SH3D19: variants seen among roughly 807,000 people sequenced by gnomAD.
SH3D19 encodes the protein SH3 domain-containing protein 19.
A neutral mutation model predicts 112.1 loss-of-function variants in SH3D19; 58 were observed. That is an observed-to-expected ratio of 0.52 (90% confidence interval 0.42 to 0.64). The LOEUF is 0.64. SH3D19 is among the 30% of genes least tolerant of loss of function. SH3D19 has a pLI of 0.00. For missense variants in SH3D19, 1,090 were observed against 1,263.4 expected (o/e 0.86, Z 2.08); for synonymous variants, 391 against 448.5 (o/e 0.87, Z 1.62).
chr4:151,139,076 C>T (rs372355631), intron 13 of SH3D19, among the ~76,000 whole-genome samples: 24 of 152,050 alleles, frequency 1.6e-4, no homozygotes, highest in African/African-American at 5.6e-4. Flanking sequence ...CCATCCGCCT[C>T]GGCCTCACAA....
At chr4:151,210,953 C>CT (rs1316377566) in intron 2 of SH3D19, among the ~76,000 whole-genome samples, 1 of 152,088 alleles carries the variant, frequency 6.6e-6, no homozygotes, top group Non-Finnish European at 1.5e-5. Context: ...TTACTGCAGC[C>CT]TTGCAACCTC....
intron 1 of SH3D19, among the ~76,000 whole-genome samples, chr4:151,324,904 A>G (rs536873289): frequency 6.6e-6 from 1 of 152,144 alleles, no homozygotes; most frequent in South Asian, 2.1e-4. Flanking sequence ...GTCGTTGTCC[A>G]CCGAGACGGC....
In SH3D19 at chr4:151,282,917, C is replaced by T. The variant is rs1774391531; in HGVS notation, c.112+42324G>A. Among the ~76,000 whole-genome samples, 3 of 152,050 alleles carry T rather than the reference C, an allele frequency of 2.0e-5. No individual in the cohort carries two copies. The South Asian group carries it at 6.3e-4, about 32-fold the overall frequency. ...CAATGGCTCAATTAAAAAAAAACCT[C>T]AAAGAAGCAGAAATAATTTAGAATT... On this transcript the variant is annotated intron_variant, in intron 1 of 19. Transcript: ENST00000604030.
At chr4:151,145,691 G>C (rs1470438962) in intron 11 of SH3D19, among the ~76,000 whole-genome samples, 1 of 152,174 alleles carries the variant, frequency 6.6e-6, no homozygotes, top group Non-Finnish European at 1.5e-5. Context: ...GTGAAATCTG[G>C]TTCCCCTTGA....
chr4:151,190,957 C>A (rs1396108451), intron 2 of SH3D19, among the ~76,000 whole-genome samples: 3 of 152,198 alleles, frequency 2.0e-5, no homozygotes, highest in African/African-American at 7.2e-5. Flanking sequence ...GGTGGGGAGG[C>A]TATACCCTGC....
intron 1 of SH3D19, among the ~76,000 whole-genome samples, chr4:151,295,169 G>C (rs958827970): frequency 3.3e-5 from 5 of 152,234 alleles, no homozygotes; most frequent in African/African-American, 9.6e-5. Context: ...AGTGACATGA[G>C]AAGCCACTGG....
chr4:151,245,411 G>A (rs187813975), intron 1 of SH3D19, among the ~76,000 whole-genome samples: 3 of 152,204 alleles, frequency 2.0e-5, no homozygotes, highest in Non-Finnish European at 2.9e-5. Context: ...CCTTAGCAGC[G>A]TGAAGCCTGG....
At chr4:151,242,921 A>C (rs189923514) in intron 1 of SH3D19, among the ~76,000 whole-genome samples, 42 of 152,340 alleles carry the variant, frequency 2.8e-4, no homozygotes, top group African/African-American at 9.9e-4. Flanking sequence ...AGGAAGCTGA[A>C]CATAGATTTG....
intron 3 of SH3D19, among the ~76,000 whole-genome samples, chr4:151,185,712 C>T (rs28432996): frequency 0.018 from 2,792 of 152,242 alleles, 81 homozygotes; most frequent in African/African-American, 0.063. Context: ...AAAATTTTCA[C>T]TGGAATTGTT....
intron 2 of SH3D19, among the ~76,000 whole-genome samples, chr4:151,219,173 C>T (rs1432303493): frequency 6.6e-6 from 1 of 152,136 alleles, no homozygotes; most frequent in African/African-American, 2.4e-5. Context: ...AGCAAGAATC[C>T]TCATCTTCAA....
intron 1 of SH3D19, among the ~76,000 whole-genome samples, chr4:151,272,142 A>C (rs1444596836): frequency 4.6e-5 from 7 of 152,236 alleles, no homozygotes; most frequent in African/African-American, 9.6e-5. Flanking sequence ...TTACTGAATA[A>C]AAAGGAAGAA....
At chr4:151,172,430 C>T (rs1232453992) in intron 7 of SH3D19, among the ~76,000 whole-genome samples, 1 of 152,042 alleles carries the variant, frequency 6.6e-6, no homozygotes, top group Non-Finnish European at 1.5e-5. Context: ...TGGGAGGCCA[C>T]TGCAGTCATC....
rs1200765508 is a variant in SH3D19 at position 151,275,825 on chromosome 4, CTAT to C, written c.112+49413_112+49415del. On this transcript the variant is annotated intron_variant, in intron 1 of 19. Transcript: ENST00000604030. The stretch of plus-strand genomic sequence containing the variant: ...CGTAAGCTACCACGCCCAGCCACTT[CTAT>C]TATTATTATTATTATTATTATTTTT... Among the ~76,000 whole-genome samples the C allele has an allele frequency of 8.8e-3, 1,275 of 144,170 alleles. 23 individuals are homozygous for C. Among genetic ancestry groups the C allele is most frequent in the African/African-American group, 0.031 (1,214 of 39,624 alleles). 94.6% of individuals were successfully genotyped at this position (144,170 alleles called of 152,430 possible).
At chr4:151,238,081 G>A (rs574128008) in intron 1 of SH3D19, among the ~76,000 whole-genome samples, 16 of 152,282 alleles carry the variant, frequency 1.1e-4, no homozygotes, top group African/African-American at 3.6e-4. Flanking sequence ...AAGGCAGACA[G>A]ATAAACTGTG....
At chr4:151,323,870 T>C (rs938879409) in intron 1 of SH3D19, among the ~76,000 whole-genome samples, 1 of 152,230 alleles carries the variant, frequency 6.6e-6, no homozygotes, top group Non-Finnish European at 1.5e-5. Context: ...CAGTCTCTTG[T>C]GAGAATGAAG....
At chr4:151,260,359 A>G (rs1000718059) in intron 1 of SH3D19, among the ~76,000 whole-genome samples, 2 of 152,130 alleles carry the variant, frequency 1.3e-5, no homozygotes, top group Non-Finnish European at 2.9e-5. Flanking sequence ...AGAAAAGGTA[A>G]TTTTACCACC....
intron 15 of SH3D19, among the ~76,000 whole-genome samples, chr4:151,133,568 C>T (rs1187411517): frequency 6.6e-6 from 1 of 152,134 alleles, no homozygotes; most frequent in Non-Finnish European, 1.5e-5. Context: ...AGTCTGAACC[C>T]TTCCAATCAT....
intron 2 of SH3D19, among the ~76,000 whole-genome samples, chr4:151,218,528 G>A (rs1767505545): frequency 6.6e-6 from 1 of 151,686 alleles, no homozygotes; most frequent in Non-Finnish European, 1.5e-5. Context: ...TCCTCCCACC[G>A]TAGCCTCCCA....
At chr4:151,153,948 A>C (rs546322089) in intron 9 of SH3D19, among the ~76,000 whole-genome samples, 5 of 21,672 alleles carry the variant, frequency 2.3e-4, no homozygotes, top group African/African-American at 7.5e-4. Flanking sequence ...ACTAAACATA[A>C]TAATACTATT....
Sources: allele counts gnomAD v4.1 joint callset (sites outside exome capture counted in the v4.1 genomes callset), GRCh38; gene constraint gnomAD v4.1.1; transcripts MANE v1.5; gene names NCBI Gene and HGNC (gene_info 2026-07-23, HGNC 2026-07-21).